UBR3: variants seen among roughly 807,000 people sequenced by gnomAD.
UBR3 encodes the protein E3 ubiquitin-protein ligase UBR3.
UBR3 carries 85 observed loss-of-function variants against 243.2 expected under a neutral mutation model. The ratio of observed to expected loss-of-function variants is 0.35; its 90% CI spans 0.29 to 0.42. The LOEUF is 0.42. UBR3 is among the 10% of genes least tolerant of loss of function. The pLI is 1.00. For synonymous variants in UBR3, 748 were observed against 799.8 expected (o/e 0.94, Z 1.09); for missense variants, 1,686 against 2,300.8 (o/e 0.73, Z 5.47).
intron 23 of UBR3, among the ~76,000 whole-genome samples, chr2:169,957,463 C>T (rs2087356655): frequency 6.7e-6 from 1 of 149,462 alleles, no homozygotes; most frequent in African/African-American, 2.5e-5. Context: ...GTCACAAAGA[C>T]AAAAAACCAA....
chr2:169,910,186 A>C (rs546610738), intron 10 of UBR3, among the ~76,000 whole-genome samples: 2 of 152,160 alleles, frequency 1.3e-5, no homozygotes, highest in Admixed American at 6.5e-5. Flanking sequence ...ACCCTTCGGC[A>C]TATAGAAGAT....
intron 11 of UBR3, among the ~76,000 whole-genome samples, chr2:169,917,101 T>TCC (rs2105340925): frequency 6.6e-6 from 1 of 152,200 alleles, no homozygotes; most frequent in South Asian, 2.1e-4. Flanking sequence ...TCATTACCCC[T>TCC]CCCCCAACAT....
At chr2:169,830,185 G>A (rs1030994873) in intron 1 of UBR3, among the ~76,000 whole-genome samples, 3 of 151,412 alleles carry the variant, frequency 2.0e-5, no homozygotes, top group Non-Finnish European at 2.9e-5. Flanking sequence ...GTCTCTTCAT[G>A]GGCATTTGGC....
At chr2:169,926,565 A>G (rs1574218112) in intron 14 of UBR3, 127 bp from the exon 15 acceptor site, 1 of 962,110 alleles carries the variant, frequency 1.0e-6, no homozygotes, top group East Asian at 2.7e-5. Flanking sequence ...AGCTTGGGTG[A>G]GAGTGAGACT....
intron 10 of UBR3, among the ~76,000 whole-genome samples, chr2:169,906,868 A>G (rs2085029621): frequency 6.6e-6 from 1 of 152,112 alleles, no homozygotes; most frequent in East Asian, 1.9e-4. Context: ...TGAAAGAGAA[A>G]TGGGACAGTA....
chr2:169,977,885 A>G (rs1003169820), intron 24 of UBR3, among the ~76,000 whole-genome samples: 2 of 152,154 alleles, frequency 1.3e-5, no homozygotes, highest in Non-Finnish European at 2.9e-5. Flanking sequence ...CATGTTTCTT[A>G]TGTCACTGCA....
chr2:169,876,531 T>TGTATTGTATTG (rs548140513), intron 3 of UBR3, among the ~76,000 whole-genome samples: 2 of 147,222 alleles, frequency 1.4e-5, no homozygotes, highest in Non-Finnish European at 3.0e-5. Context: ...CTGCCTCTCT[T>TGTATTGTATTG]TATTGTATTG....
rs1171959493 is a variant in UBR3 at position 170,080,740 on chromosome 2, C to T, written c.5549+56C>T. 3.2e-6 allele frequency: 5 copies of T among 1,549,318 alleles called. No homozygotes were observed. In the African/African-American group the frequency reaches 4.1e-5, roughly 13 times the overall value. ...TTATTGAAATTTGGTCAGTGAAAAC[C>T]AATATGCTATTCCTGGCTTTGTAAT... On this transcript the variant is annotated intron_variant, in intron 38 of 38. Coordinates refer to ENST00000272793, the MANE Select transcript of UBR3 (RefSeq NM_172070.4).
At chr2:170,015,467 T>A in intron 30 of UBR3, 101 bp downstream of exon 30, 1 of 792,578 alleles carries the variant, frequency 1.3e-6, no homozygotes. Context: ...TTGTCTGTTA[T>A]ATATGATCTA....
chr2:169,980,583 G>C (rs1281846596), intron 24 of UBR3, among the ~76,000 whole-genome samples: 1 of 151,124 alleles, frequency 6.6e-6, no homozygotes, highest in East Asian at 1.9e-4. Flanking sequence ...ATATTTCCCA[G>C]GTACAAGCAC....
intron 27 of UBR3, among the ~76,000 whole-genome samples, chr2:170,005,770 A>G (rs1488617986): frequency 6.6e-6 from 1 of 152,196 alleles, no homozygotes; most frequent in African/African-American, 2.4e-5. Flanking sequence ...GTATACATAT[A>G]TAGTGAAACT....
chr2:169,877,578 A>G lies in UBR3; in HGVS notation c.929A>G (p.Asp310Gly), dbSNP rs1268788142. The G allele has an allele frequency of 6.5e-7, 1 of 1,549,850 alleles. No homozygotes were observed. The highest frequency in any genetic ancestry group is 1.4e-5 in the African/African-American group (1 of 73,052). The change falls in exon 4 of 39, where the codon GAT (aspartate) becomes GGT (glycine). Residue 310 changes from aspartate to glycine, a missense_variant. Transcript: ENST00000272793. ...LKSSGLTYPE[D>G]KLVYGVQEPS... The stretch of plus-strand genomic sequence containing the variant: ...AGCTCTGGACTTACATATCCTGAGG[A>G]TAAGCTTGTATATGGTGTGCAGGAG...
intron 11 of UBR3, among the ~76,000 whole-genome samples, chr2:169,914,352 G>T (rs906077632): frequency 6.6e-6 from 1 of 152,148 alleles, no homozygotes; most frequent in Admixed American, 6.5e-5. Context: ...ATTCTGGAGC[G>T]CACTAATATG....
At chr2:169,958,917 C>T (rs1338310767) in intron 24 of UBR3, among the ~76,000 whole-genome samples, 1 of 152,086 alleles carries the variant, frequency 6.6e-6, no homozygotes, top group Non-Finnish European at 1.5e-5. Context: ...TTCATTATTT[C>T]TTAAAATCAG....
At chr2:169,894,079 T>A (rs72887757) in intron 6 of UBR3, among the ~76,000 whole-genome samples, 1 of 151,990 alleles carries the variant, frequency 6.6e-6, no homozygotes. Context: ...TAGAAAATTC[T>A]GAGTTTTGAA....
rs1226247799 is a variant in UBR3, at chr2:170,069,963, C to A, written c.5020-3465C>A. 1.3e-5 allele frequency among the ~76,000 whole-genome samples: 2 copies of A among 151,790 alleles called. 1 individual carries two copies. Among genetic ancestry groups the A allele is most frequent in the Non-Finnish European group, 2.9e-5 (2 of 67,942 alleles). On this transcript the variant is annotated intron_variant, in intron 35 of 38. Coordinates refer to ENST00000272793, the MANE Select transcript of UBR3 (RefSeq NM_172070.4). Reference sequence around the variant, plus strand: ...TATAATACCTAATATAAATGCTATACGAATAGTTATTATATTATTTGTATT... The same window carrying A: ...TATAATACCTAATATAAATGCTATAAGAATAGTTATTATATTATTTGTATT...
intron 32 of UBR3, among the ~76,000 whole-genome samples, chr2:170,052,567 G>C (rs959600482): frequency 6.6e-6 from 1 of 152,186 alleles, no homozygotes; most frequent in African/African-American, 2.4e-5. Flanking sequence ...TGAACCCATA[G>C]GACATTATGC....
chr2:169,969,556 TTTTTTTTTG>T (rs1559143332), intron 24 of UBR3, among the ~76,000 whole-genome samples: 1 of 151,152 alleles, frequency 6.6e-6, no homozygotes, highest in African/African-American at 2.4e-5. Context: ...GTCTTTTTTT[TTTTTTTTTG>T]TTAGATGGAT....
intron 24 of UBR3, among the ~76,000 whole-genome samples, chr2:169,972,640 A>G (rs2088215720): frequency 1.3e-5 from 2 of 152,388 alleles, no homozygotes; most frequent in Admixed American, 1.3e-4. Context: ...AATCCAGCGT[A>G]TAAGCAGAGC....
Sources: gnomAD v4.1 joint callset for allele counts (sites outside exome capture counted in the v4.1 genomes callset) on GRCh38, gnomAD v4.1.1 for gene constraint, MANE v1.5 for transcripts, NCBI Gene and HGNC (gene_info 2026-07-23, HGNC 2026-07-21) for gene names.